The following ENO4 variants were observed in gnomAD, a reference collection of about 807,000 sequenced individuals.
The protein encoded by ENO4 is enolase 4.
ENO4 carries 53 observed loss-of-function variants against 63.2 expected under a neutral mutation model. That is an observed-to-expected ratio of 0.84 (90% CI 0.67 to 1.05). The LOEUF (loss-of-function observed/expected upper bound fraction) is 1.05. Among genes scored for constraint, ENO4 ranks in the 50% least tolerant of loss-of-function variants. The pLI, the probability that ENO4 is intolerant of heterozygous loss-of-function variation, is 0.00. For missense variants in ENO4, 719 were observed against 772.0 expected, an observed-to-expected ratio of 0.93 and a Z score of 0.81; for synonymous variants, 266 against 283.8, an observed-to-expected ratio of 0.94 and a Z score of 0.63.
chr10:116,907,446 T>C (rs1848015311), intron 10 of ENO4, among the ~76,000 whole-genome samples: 1 of 152,114 alleles, frequency 6.6e-6, no homozygotes, highest in Non-Finnish European at 1.5e-5. Flanking sequence ...ATGCTATAAA[T>C]CTGTACTCCT....
chr10:116,881,380 A>T (rs761192946), intron 13 of ENO4, 135 bp from the exon 14 acceptor site: 23 of 623,882 alleles, frequency 3.7e-5, no homozygotes, highest in Non-Finnish European at 5.5e-5. Context: ...CCAGTTGTAA[A>T]TGGTTCTGGA....
At position 116,880,024 on chromosome 10, in the gene ENO4, T is replaced by A. The variant is rs775743150; in HGVS notation, c.1723+38T>A. 2.8e-6 allele frequency: 4 copies of A among 1,438,146 alleles called. No individual in the cohort carries two copies. The African/African-American group carries it at 5.7e-5, about 20-fold the overall frequency. 89.1% of individuals were successfully genotyped at this position (1,438,146 alleles called of 1,614,324 possible). ...TTCTTGCTTTGTTTCCACTTAGCCA[T>A]GAATAAGAGAACAAAGATTGGAAGA... On this transcript the variant is annotated intron_variant, in intron 13 of 13. Transcript: ENST00000341276.
chr10:116,876,050 T>C lies in ENO4; in HGVS notation c.1342-15T>C, dbSNP rs1355565921. 2.0e-6 allele frequency: 3 copies of C among 1,507,188 alleles called. No individual in the cohort carries two copies. In the Admixed American group the frequency reaches 7.0e-5, roughly 35 times the overall value. 93.4% of individuals were successfully genotyped at this position (1,507,188 alleles called of 1,614,324 possible). ...TCAATGCATTATAATGATCAACTCTTAAATATTTACCCAGGACTCTGAACA... is the reference window on the plus strand; with the variant it reads ...TCAATGCATTATAATGATCAACTCTCAAATATTTACCCAGGACTCTGAACA... On this transcript the variant is annotated splice_polypyrimidine_tract_variant and intron_variant, in intron 10 of 13. Transcript: ENST00000341276.
At chr10:116,886,779 A>G (rs1005883384), downstream of ENO4, among the ~76,000 whole-genome samples, 1 of 152,234 alleles carries the variant, frequency 6.6e-6, no homozygotes, top group African/African-American at 2.4e-5. Flanking sequence ...AGAAGAAAGA[A>G]GGCAGAGAAA....
chr10:116,862,946 T>G, intron 7 of ENO4, 94 bp downstream of exon 7: 1 of 881,488 alleles, frequency 1.1e-6, no homozygotes. Flanking sequence ...TCAATTGTGG[T>G]TGATATGGAG....
At chr10:116,852,083 C>G (rs922705926) in intron 1 of ENO4, among the ~76,000 whole-genome samples, 1 of 152,036 alleles carries the variant, frequency 6.6e-6, no homozygotes, top group Non-Finnish European at 1.5e-5. Context: ...ATGCTGTTCT[C>G]GTGATAGTGA....
At chr10:116,892,816 A>T (rs1208285719) in intron 10 of ENO4, among the ~76,000 whole-genome samples, 1 of 152,174 alleles carries the variant, frequency 6.6e-6, no homozygotes, top group Admixed American at 6.5e-5. Context: ...CTATTTGAAT[A>T]AAAAAACCTC....
chr10:116,895,696 T>A (rs536205046), intron 10 of ENO4, among the ~76,000 whole-genome samples: 2 of 152,306 alleles, frequency 1.3e-5, no homozygotes, highest in East Asian at 3.9e-4. Context: ...TCTCCTTCCT[T>A]AAGCTCTTAA....
chr10:116,871,999 C>G (rs1846707765), intron 9 of ENO4, among the ~76,000 whole-genome samples: 2 of 152,178 alleles, frequency 1.3e-5, no homozygotes, highest in Non-Finnish European at 2.9e-5. Context: ...GAGTTCAAGA[C>G]CAGCCTGGCC....
intron 10 of ENO4, chr10:116,900,528 T>G (rs987161962): frequency 4.6e-5 from 71 of 1,531,174 alleles, no homozygotes; most frequent in Non-Finnish European, 1.9e-5. Context: ...CAGTATTTTC[T>G]GATTCAGATT....
intron 10 of ENO4, among the ~76,000 whole-genome samples, chr10:116,909,501 T>C (rs1848105976): frequency 1.3e-5 from 2 of 152,178 alleles, no homozygotes; most frequent in South Asian, 4.1e-4. Flanking sequence ...TAGAGTGGCT[T>C]TCTAAGTGAC....
chr10:116,897,901 C>T (rs1847577466), intron 10 of ENO4, among the ~76,000 whole-genome samples: 1 of 152,166 alleles, frequency 6.6e-6, no homozygotes, highest in African/African-American at 2.4e-5. Flanking sequence ...TTCCTTGTTA[C>T]TCCCCCTCCC....
chr10:116,851,589 C>T lies in ENO4; in HGVS notation c.165+1858C>T, dbSNP rs140564174. 3.4e-3 allele frequency among the ~76,000 whole-genome samples: 524 copies of T among 152,356 alleles called. 2 individuals are homozygous for T. Among genetic ancestry groups the T allele is most frequent in the Middle Eastern group, 0.01 (3 of 294 alleles). On this transcript the variant is annotated intron_variant, in intron 1 of 13. Transcript: ENST00000341276. Reference sequence around the variant, plus strand: ...ACTCTCACCTCGTCTCTCCCTCTATCTAGTTCATCCTGCAGAATGCTGCCA... The same window carrying T: ...ACTCTCACCTCGTCTCTCCCTCTATTTAGTTCATCCTGCAGAATGCTGCCA...
chr10:116,899,564 C>A (rs1847656078), intron 10 of ENO4, among the ~76,000 whole-genome samples: 1 of 140,434 alleles, frequency 7.1e-6, no homozygotes, highest in South Asian at 2.2e-4. Flanking sequence ...TGCATGCATA[C>A]ATATGTTGGG....
At chr10:116,899,576 C>G in intron 10 of ENO4, among the ~76,000 whole-genome samples, 1 of 146,516 alleles carries the variant, frequency 6.8e-6, no homozygotes. Flanking sequence ...TATGTTGGGA[C>G]AGTAATGTCT....
At chr10:116,858,383 A>C (rs1846327056) in intron 3 of ENO4, among the ~76,000 whole-genome samples, 1 of 152,234 alleles carries the variant, frequency 6.6e-6, no homozygotes, top group South Asian at 2.1e-4. Context: ...CATACTTTAA[A>C]GGCATTGCCC....
chr10:116,888,842 T>C (rs768692961), intron 10 of ENO4, among the ~76,000 whole-genome samples: 1 of 152,344 alleles, frequency 6.6e-6, no homozygotes, highest in East Asian at 1.9e-4. Flanking sequence ...CTAAATCTCA[T>C]GCAGATTTAT....
At chr10:116,873,394 G>A (rs1466449651) in intron 9 of ENO4, among the ~76,000 whole-genome samples, 1 of 152,080 alleles carries the variant, frequency 6.6e-6, no homozygotes, top group Non-Finnish European at 1.5e-5. Context: ...AGACTTAAAA[G>A]GAAGGGTGCT....
intron 7 of ENO4, among the ~76,000 whole-genome samples, chr10:116,865,922 A>G (rs958193228): frequency 2.0e-5 from 3 of 152,174 alleles, no homozygotes; most frequent in Admixed American, 2.0e-4. Flanking sequence ...ACTACGTACC[A>G]TCCTGAGTGC....
Sources: allele counts gnomAD v4.1 joint callset (sites outside exome capture counted in the v4.1 genomes callset), GRCh38; gene constraint gnomAD v4.1.1; transcripts MANE v1.5; gene names NCBI Gene and HGNC (gene_info 2026-07-23, HGNC 2026-07-21).